TTC7B: variants seen among roughly 807,000 people sequenced by gnomAD.
TTC7B encodes tetratricopeptide repeat domain 7B, also known as tetratricopeptide repeat protein 7B.
A neutral mutation model predicts 106.8 loss-of-function variants in TTC7B; 28 were observed. That is an observed-to-expected ratio of 0.26 (90% confidence interval 0.19 to 0.36). The LOEUF (loss-of-function observed/expected upper bound fraction) is 0.36. Among genes scored for constraint, TTC7B ranks in the 10% least tolerant of loss-of-function variants. The pLI is 1.00. For synonymous variants in TTC7B, 405 were observed against 430.6 expected (o/e 0.94, Z 0.74); for missense variants, 862 against 1,076.4 (o/e 0.80, Z 2.79).
intron 17 of TTC7B, 65 bp downstream of exon 17, chr14:90,610,677 A>T: frequency 1.7e-6 from 2 of 1,187,442 alleles, no homozygotes; most frequent in South Asian, 2.4e-5. Flanking sequence ...ATCCCATGTC[A>T]CTTGGTCCCA....
intron 5 of TTC7B, among the ~76,000 whole-genome samples, chr14:90,716,611 A>G (rs889042727): frequency 5.3e-5 from 8 of 152,142 alleles, no homozygotes; most frequent in African/African-American, 1.9e-4. Context: ...GTGTGTGTGT[A>G]TGTGTGTTTA....
intron 3 of TTC7B, among the ~76,000 whole-genome samples, chr14:90,758,177 G>A (rs1890367274): frequency 6.6e-6 from 1 of 151,140 alleles, no homozygotes. Context: ...CCCTGAACTC[G>A]AGTTGAATCG....
At chr14:90,586,545 C>T (rs1891722479) in intron 18 of TTC7B, among the ~76,000 whole-genome samples, 1 of 152,222 alleles carries the variant, frequency 6.6e-6, no homozygotes, top group Non-Finnish European at 1.5e-5. Flanking sequence ...GCTGGGATTA[C>T]AGGCATGAGC....
chr14:90,709,715 C>G (rs1030089098), intron 5 of TTC7B, among the ~76,000 whole-genome samples: 5 of 150,874 alleles, frequency 3.3e-5, no homozygotes, highest in African/African-American at 1.2e-4. Flanking sequence ...ATTTCTCAAC[C>G]TGAAAAAAAA....
At chr14:90,686,299 CA>C (rs1887249576) in intron 7 of TTC7B, among the ~76,000 whole-genome samples, 1 of 151,984 alleles carries the variant, frequency 6.6e-6, no homozygotes, top group African/African-American at 2.4e-5. Flanking sequence ...ATAAAAATAA[CA>C]AACTAGAAAT....
intron 7 of TTC7B, among the ~76,000 whole-genome samples, chr14:90,684,818 T>C (rs1887193616): frequency 6.6e-6 from 1 of 152,118 alleles, no homozygotes; most frequent in African/African-American, 2.4e-5. Flanking sequence ...ATGAACTTGG[T>C]GGAAGTTCAT....
chr14:90,690,992 C>T (rs905359527), intron 6 of TTC7B, among the ~76,000 whole-genome samples: 1 of 152,166 alleles, frequency 6.6e-6, no homozygotes, highest in African/African-American at 2.4e-5. Context: ...TCATCCCCAA[C>T]TGAGCAATCT....
At chr14:90,591,767 C>G (rs755154983) in intron 18 of TTC7B, among the ~76,000 whole-genome samples, 9 of 152,228 alleles carry the variant, frequency 5.9e-5, no homozygotes, top group Non-Finnish European at 8.8e-5. Context: ...TTTCTGTTCT[C>G]TGTAGTTGTT....
intron 15 of TTC7B, among the ~76,000 whole-genome samples, chr14:90,630,600 T>C (rs1344791313): frequency 1.3e-5 from 2 of 152,232 alleles, no homozygotes; most frequent in East Asian, 3.8e-4. Flanking sequence ...CAGTACTCTA[T>C]TCGTGTTGCA....
chr14:90,616,659 AT>A (rs1360122649), intron 16 of TTC7B, among the ~76,000 whole-genome samples: 1 of 152,160 alleles, frequency 6.6e-6, no homozygotes, highest in African/African-American at 2.4e-5. Context: ...CAGGGGGTCC[AT>A]CCCCTTAACA....
intron 17 of TTC7B, among the ~76,000 whole-genome samples, chr14:90,598,783 G>C (rs1350247659): frequency 1.3e-5 from 2 of 152,200 alleles, no homozygotes; most frequent in Non-Finnish European, 2.9e-5. Context: ...CTCAGCTGTG[G>C]CAATCACATG....
intron 17 of TTC7B, among the ~76,000 whole-genome samples, chr14:90,610,077 C>A (rs1892810912): frequency 6.6e-6 from 1 of 152,184 alleles, no homozygotes; most frequent in African/African-American, 2.4e-5. Context: ...GACTTGGGTC[C>A]AATCCCAGGA....
intron 1 of TTC7B, among the ~76,000 whole-genome samples, chr14:90,792,007 C>A (rs1891603094): frequency 6.6e-6 from 1 of 152,132 alleles, no homozygotes; most frequent in African/African-American, 2.4e-5. Context: ...AACCTCAAGT[C>A]CTCAAGTTTA....
At chr14:90,685,637 A>C (rs1887225363) in intron 7 of TTC7B, among the ~76,000 whole-genome samples, 1 of 152,212 alleles carries the variant, frequency 6.6e-6, no homozygotes, top group Non-Finnish European at 1.5e-5. Flanking sequence ...GACTTAAATT[A>C]CTAAAATGAG....
chr14:90,536,274 G>A lies in TTC7B; in HGVS notation c.*5094C>T, dbSNP rs369005937. 131 of 154,500 alleles carry A rather than the reference G, an allele frequency of 8.5e-4. No homozygotes were observed. Among genetic ancestry groups the A allele is most frequent in the African/African-American group, 2.9e-3 (120 of 41,536 alleles). The allele number at this position is 154,500 out of a possible 1,614,324, so 9.6% of individuals were successfully genotyped here. On this transcript the variant is annotated 3_prime_UTR_variant, in exon 20 of 20. Transcript: ENST00000328459. ...CTTCATTTCCCAGCCTGTAAACCCC[G>A]CCAGCCCCGGAGCTCAGCCCTGACC... is the stretch of plus-strand genomic sequence containing the variant.
intron 1 of TTC7B, among the ~76,000 whole-genome samples, chr14:90,812,337 G>A (rs2030941287): frequency 1.3e-5 from 2 of 152,176 alleles, no homozygotes; most frequent in African/African-American, 4.8e-5. Flanking sequence ...AGCTGGGCCT[G>A]TCCTCCCAGA....
At chr14:90,596,337 A>G (rs887661726) in intron 17 of TTC7B, among the ~76,000 whole-genome samples, 5 of 152,168 alleles carry the variant, frequency 3.3e-5, no homozygotes, top group Admixed American at 3.3e-4. Flanking sequence ...ACTACTGCCA[A>G]AGTTTCTTCT....
intron 19 of TTC7B, among the ~76,000 whole-genome samples, chr14:90,556,307 C>G (rs554951469): frequency 6.6e-6 from 1 of 152,150 alleles, no homozygotes; most frequent in East Asian, 1.9e-4. Context: ...TCCAGCCTCC[C>G]CTCCCCCATC....
intron 6 of TTC7B, among the ~76,000 whole-genome samples, chr14:90,694,677 A>ATAT (rs201456613): frequency 0.17 from 15,702 of 90,562 alleles, 2 homozygotes; most frequent in East Asian, 0.25. Context: ...ATATATGTAT[A>ATAT]TTTTTATTTT....
Sources: allele counts gnomAD v4.1 joint callset (sites outside exome capture counted in the v4.1 genomes callset), GRCh38; gene constraint gnomAD v4.1.1; transcripts MANE v1.5; gene names NCBI Gene and HGNC (gene_info 2026-07-23, HGNC 2026-07-21).